Variants in FYB2 observed in about 807,000 individuals in gnomAD.
FYB2 encodes FYN-binding protein 2.
FYB2 carries 103 observed loss-of-function variants against 94.1 expected under a neutral mutation model. That is an observed-to-expected ratio of 1.09 (90% CI 0.93 to 1.29). FYB2 has a LOEUF of 1.29. Ranked by LOEUF, FYB2 falls within the 50% of genes most tolerant of loss-of-function variation. The pLI is 0.00. For synonymous variants in FYB2, 293 were observed against 287.9 expected (o/e 1.02, Z -0.18); for missense variants, 896 against 841.5 (o/e 1.06, Z -0.80).
At chr1:56,780,601 A>G (rs1232928356) in intron 4 of FYB2, among the ~76,000 whole-genome samples, 1 of 152,230 alleles carries the variant, frequency 6.6e-6, no homozygotes, top group Non-Finnish European at 1.5e-5. Context: ...GAGAGCGCAC[A>G]AAGCACTTAC....
At chr1:56,792,879 T>C (rs577001054) in intron 1 of FYB2, 76 bp from the exon 2 acceptor site, 108 of 1,434,080 alleles carry the variant, frequency 7.5e-5, no homozygotes, top group Non-Finnish European at 9.4e-5. Context: ...AAGTGTCTCA[T>C]TATTCCAAGA....
At chr1:56,733,993 G>A (rs1644771996) in intron 15 of FYB2, among the ~76,000 whole-genome samples, 1 of 152,068 alleles carries the variant, frequency 6.6e-6, no homozygotes, top group African/African-American at 2.4e-5. Flanking sequence ...TCATTGATCT[G>A]TTTAATATTT....
chr1:56,740,662 C>A (rs753887809), intron 13 of FYB2, 35 bp downstream of exon 13: 3 of 1,274,752 alleles, frequency 2.4e-6, no homozygotes, highest in Admixed American at 1.9e-5. Context: ...CCAGGTTAAT[C>A]CCCTCGTGGA....
At chr1:56,783,320 A>C (rs1038603433) in intron 4 of FYB2, among the ~76,000 whole-genome samples, 5 of 152,182 alleles carry the variant, frequency 3.3e-5, no homozygotes, top group Non-Finnish European at 4.4e-5. Context: ...AATCTATGCC[A>C]ATGTGACTTT....
At chr1:56,751,973 T>C (rs530839374) in intron 8 of FYB2, among the ~76,000 whole-genome samples, 2 of 152,124 alleles carry the variant, frequency 1.3e-5, no homozygotes, top group African/African-American at 2.4e-5. Flanking sequence ...TATTAAATTG[T>C]ATTTTCCAAA....
intron 15 of FYB2, among the ~76,000 whole-genome samples, chr1:56,730,611 AC>A (rs1644686944): frequency 6.6e-6 from 1 of 152,080 alleles, no homozygotes; most frequent in Admixed American, 6.6e-5. Context: ...ACTTGAAAAG[AC>A]CAATAAAAGT....
At chr1:56,795,757 T>A (rs1284713363) in intron 1 of FYB2, among the ~76,000 whole-genome samples, 1 of 152,194 alleles carries the variant, frequency 6.6e-6, no homozygotes, top group East Asian at 1.9e-4. Flanking sequence ...GGACAACTAC[T>A]GTACAATGTT....
intron 1 of FYB2, among the ~76,000 whole-genome samples, chr1:56,806,905 G>A (rs190840146): frequency 6.6e-6 from 1 of 152,172 alleles, no homozygotes; most frequent in African/African-American, 2.4e-5. Flanking sequence ...AAAGGCTCAA[G>A]TTTAACTTAG....
chr1:56,732,006 A>G (rs1039872391), intron 15 of FYB2: 1 of 152,158 alleles, frequency 6.6e-6, no homozygotes, highest in Non-Finnish European at 1.5e-5. Context: ...AAGAGAAAGA[A>G]ATAAAGGACA....
At chr1:56,805,441 G>A (rs1261839044) in intron 1 of FYB2, among the ~76,000 whole-genome samples, 2 of 152,212 alleles carry the variant, frequency 1.3e-5, no homozygotes, top group Admixed American at 6.5e-5. Context: ...ATAGCAGCTT[G>A]TGTATGTTGT....
chr1:56,751,276 T>C (rs6688703), intron 8 of FYB2, 73 bp from the exon 9 acceptor site: 242,414 of 1,397,154 alleles, frequency 0.17, 22,742 homozygotes, highest in African/African-American at 0.29. Context: ...ACTTGTACAG[T>C]TTTTCATTCA....
At chr1:56,769,698 G>C (rs896980052) in intron 4 of FYB2, among the ~76,000 whole-genome samples, 1 of 151,872 alleles carries the variant, frequency 6.6e-6, no homozygotes, top group Non-Finnish European at 1.5e-5. Context: ...AATAGAAATA[G>C]AATATTTAAC....
At chr1:56,775,857 T>C (rs999895821) in intron 4 of FYB2, among the ~76,000 whole-genome samples, 3 of 152,218 alleles carry the variant, frequency 2.0e-5, no homozygotes, top group Non-Finnish European at 4.4e-5. Flanking sequence ...CTGCTAGTGG[T>C]ATAAAAGAGA....
intron 5 of FYB2, among the ~76,000 whole-genome samples, chr1:56,765,499 A>G (rs857098): frequency 0.75 from 114,768 of 152,152 alleles, 44,508 homozygotes; most frequent in African/African-American, 0.94. Flanking sequence ...TAGATGTCCA[A>G]GCTCCCCATT....
At chr1:56,811,934 T>TC (rs1479128813) in intron 1 of FYB2, among the ~76,000 whole-genome samples, 3 of 151,950 alleles carry the variant, frequency 2.0e-5, no homozygotes, top group Non-Finnish European at 4.4e-5. Flanking sequence ...TAACCATTTT[T>TC]TTTTCCTTTT....
At chr1:56,743,897 C>T in intron 11 of FYB2, 129 bp downstream of exon 11, 2 of 965,270 alleles carry the variant, frequency 2.1e-6, no homozygotes, top group South Asian at 3.3e-5. Context: ...CTTGGTATTG[C>T]TTCTCTTAGC....
intron 16 of FYB2, among the ~76,000 whole-genome samples, chr1:56,724,514 T>C (rs1347783182): frequency 6.6e-6 from 1 of 152,026 alleles, no homozygotes; most frequent in Non-Finnish European, 1.5e-5. Flanking sequence ...AGATTATCAC[T>C]ACTTATTGCC....
chr1:56,728,140 A>G (rs1051484438), intron 15 of FYB2, among the ~76,000 whole-genome samples: 4 of 152,134 alleles, frequency 2.6e-5, no homozygotes, highest in African/African-American at 9.7e-5. Flanking sequence ...TATATGCCTT[A>G]TGGTCCAACA....
intron 9 of FYB2, among the ~76,000 whole-genome samples, chr1:56,746,399 CTA>C (rs1394245068): frequency 6.6e-6 from 1 of 151,882 alleles, no homozygotes; most frequent in African/African-American, 2.4e-5. Context: ...CTTCATCTGA[CTA>C]AAGTTTCTTC....
Sources: allele counts gnomAD v4.1 joint callset (sites outside exome capture counted in the v4.1 genomes callset), GRCh38; gene constraint gnomAD v4.1.1; transcripts MANE v1.5; gene names NCBI Gene and HGNC (gene_info 2026-07-23, HGNC 2026-07-21).